EIF3K: variants seen among roughly 807,000 people sequenced by gnomAD.
EIF3K encodes the protein eukaryotic translation initiation factor 3 subunit K.
EIF3K carries 27 observed loss-of-function variants against 34.2 expected under a neutral mutation model. The observed-to-expected ratio is 0.79, with a 90% CI of 0.58 to 1.09. EIF3K has a LOEUF of 1.09. Among genes scored for constraint, EIF3K ranks in the 50% least tolerant of loss-of-function variants. The probability of loss-of-function intolerance (pLI) is 0.00; values close to 1 mark genes in which losing one functional copy is unlikely to be tolerated. For missense variants in EIF3K, 232 were observed against 275.4 expected, an observed-to-expected ratio of 0.84 and a Z score of 1.11; for synonymous variants, 105 against 105.7, an observed-to-expected ratio of 0.99 and a Z score of 0.04.
rs1407584925 is a variant in EIF3K, at chr19:38,630,355, T to TTA, written c.355-2074_355-2073insAT. On this transcript the variant is annotated intron_variant, in intron 4 of 7. Coordinates refer to ENST00000248342, the MANE Select transcript of EIF3K (RefSeq NM_013234.4). ...TATTTATTTATTTATTTATTTTTTT[T>TTA]TTTTTTTGAGATGGAGTCTCGCGCT... 9.9e-3 allele frequency among the ~76,000 whole-genome samples: 1,465 copies of TTA among 148,656 alleles called. 17 individuals carry two copies. Among genetic ancestry groups the TTA allele is most frequent in the African/African-American group, 0.032 (1,307 of 40,580 alleles).
At chr19:38,627,131 C>G (rs1975966524) in intron 4 of EIF3K, among the ~76,000 whole-genome samples, 1 of 152,222 alleles carries the variant, frequency 6.6e-6, no homozygotes, top group African/African-American at 2.4e-5. Context: ...GGGTTACAGG[C>G]ATGTGCCATC....
chr19:38,633,048 G>A (rs1976104594), intron 6 of EIF3K: 6 of 227,672 alleles, frequency 2.6e-5, no homozygotes, highest in South Asian at 9.8e-5. Context: ...ACAGACCAGC[G>A]GCATCTGAGC....
chr19:38,636,483 A>C (rs578253297), intron 7 of EIF3K, among the ~76,000 whole-genome samples: 1 of 151,926 alleles, frequency 6.6e-6, no homozygotes, highest in East Asian at 1.9e-4. Context: ...ACTGTGTCTC[A>C]AAAAAAAACT....
chr19:38,634,330 G>C (rs575316716), intron 6 of EIF3K, among the ~76,000 whole-genome samples: 1 of 147,890 alleles, frequency 6.8e-6, no homozygotes, highest in African/African-American at 2.5e-5. Flanking sequence ...TTGGCACGGT[G>C]GCTCACACCT....
At chr19:38,628,150 C>T (rs993214121) in intron 4 of EIF3K, among the ~76,000 whole-genome samples, 3 of 152,002 alleles carry the variant, frequency 2.0e-5, no homozygotes, top group African/African-American at 4.8e-5. Flanking sequence ...GTGATCTGCC[C>T]GCCTTGGCCT....
chr19:38,633,082 C>T (rs905792309), intron 6 of EIF3K, among the ~76,000 whole-genome samples: 2 of 152,130 alleles, frequency 1.3e-5, no homozygotes, highest in Admixed American at 6.5e-5. Flanking sequence ...GAGAGAGGCC[C>T]GTGGCCTGAG....
At chr19:38,631,542 G>T (rs970726978) in intron 4 of EIF3K, among the ~76,000 whole-genome samples, 1 of 152,216 alleles carries the variant, frequency 6.6e-6, no homozygotes, top group Non-Finnish European at 1.5e-5. Context: ...CCCTATCTCA[G>T]TAGATGGAAC....
intron 4 of EIF3K, chr19:38,626,369 A>T: frequency 2.3e-6 from 1 of 432,340 alleles, no homozygotes. Context: ...GAAGTCCTCC[A>T]GTGGCTGGGT....
intron 7 of EIF3K, 121 bp downstream of exon 7, chr19:38,635,239 C>T (rs1976165179): frequency 3.6e-6 from 5 of 1,396,948 alleles, no homozygotes; most frequent in Non-Finnish European, 4.9e-6. Flanking sequence ...GAAGTCTGCA[C>T]CTGCCAGATT....
intron 2 of EIF3K, among the ~76,000 whole-genome samples, chr19:38,621,900 G>GC (rs1390656177): frequency 2.8e-5 from 4 of 141,392 alleles, no homozygotes; most frequent in South Asian, 4.6e-4. Context: ...GGTTCTTCGT[G>GC]CCCTTTTTTT....
intron 2 of EIF3K, among the ~76,000 whole-genome samples, chr19:38,620,849 G>C (rs578201786): frequency 6.6e-6 from 1 of 151,724 alleles, no homozygotes; most frequent in Non-Finnish European, 1.5e-5. Context: ...AACCAAGATC[G>C]CGCCATTGCA....
At position 38,635,107 on chromosome 19, in the gene EIF3K, T is replaced by C. The variant is rs200335367; in HGVS notation, c.614T>C (p.Ile205Thr). The C allele has an allele frequency of 2.5e-6, 4 of 1,614,148 alleles. No homozygotes were observed. The highest frequency in any genetic ancestry group is 3.4e-6 in the Non-Finnish European group (4 of 1,180,016). The change falls in exon 7 of 8, where the codon ATT becomes ACT. Residue 205 changes from isoleucine to threonine, a missense_variant. Coordinates refer to ENST00000248342, the MANE Select transcript of EIF3K (RefSeq NM_013234.4). Reference sequence around the variant, plus strand: ...AAACCCAAGAACATTGTGGAGAAGATTGACTTTGACAGTGAGTGGTGACCC... The same window carrying C: ...AAACCCAAGAACATTGTGGAGAAGACTGACTTTGACAGTGAGTGGTGACCC... ...SIKPKNIVEK[I>T]DFDSVSSIMA...
chr19:38,626,026 A>G lies in EIF3K; in HGVS notation c.280-2A>G. ...GTTTTCCTTAATGCTTCCTCCTCCC[A>G]GCAAGAAGAACGGCCAATCCGACAG... On this transcript the variant is annotated splice_acceptor_variant, in intron 3 of 7. Transcript: ENST00000248342. LOFTEE classifies it high-confidence loss of function. 1 of 1,614,202 alleles carries G rather than the reference A, an allele frequency of 6.2e-7. No homozygotes were observed. Among genetic ancestry groups the G allele is most frequent in the East Asian group, 2.2e-5 (1 of 44,882 alleles).
intron 7 of EIF3K, among the ~76,000 whole-genome samples, chr19:38,636,244 G>A (rs1244859532): frequency 6.6e-6 from 1 of 152,204 alleles, no homozygotes; most frequent in Non-Finnish European, 1.5e-5. Context: ...AGGAAAAGGA[G>A]GAGGAAGGTG....
At chr19:38,632,225 G>T in intron 4 of EIF3K, 2 of 553,830 alleles carry the variant, frequency 3.6e-6, no homozygotes, top group Non-Finnish European at 6.4e-6. Context: ...AGATCAGCCT[G>T]GGCAATATAG....
chr19:38,621,871 G>T (rs1431544250), intron 2 of EIF3K, among the ~76,000 whole-genome samples: 1 of 149,286 alleles, frequency 6.7e-6, no homozygotes, highest in African/African-American at 2.5e-5. Flanking sequence ...ATCTCTTCTG[G>T]CTCTTGATGG....
At position 38,630,344 on chromosome 19, in the gene EIF3K, T is replaced by A. The variant is rs533697099; in HGVS notation, c.355-2086T>A. Among the ~76,000 whole-genome samples, 97 of 132,142 alleles carry A rather than the reference T, an allele frequency of 7.3e-4. 1 individual carries two copies. The highest frequency in any genetic ancestry group is 2.4e-3 in the African/African-American group (90 of 38,232). The allele number at this position is 132,142 out of a possible 152,430, so 86.7% of individuals were successfully genotyped here. A position where few individuals can be genotyped will look rare whatever the true frequency, so the allele number is the denominator to read the frequency against. On this transcript the variant is annotated intron_variant, in intron 4 of 7. Coordinates refer to ENST00000248342, the MANE Select transcript of EIF3K (RefSeq NM_013234.4). ...CCCGGTTTAATTATTTATTTATTTATTTATTTTTTTTTTTTTTTGAGATGG... is the reference window on the plus strand; with the variant it reads ...CCCGGTTTAATTATTTATTTATTTAATTATTTTTTTTTTTTTTTGAGATGG...
chr19:38,619,274 G>A lies in EIF3K; in HGVS notation c.6G>A (p.Ala2=), dbSNP rs745802177. 2 of 1,614,024 alleles carry A rather than the reference G, an allele frequency of 1.2e-6. No homozygotes were observed. The highest frequency in any genetic ancestry group is 2.7e-5 in the African/African-American group (2 of 75,060). Residue 2 remains alanine, a synonymous_variant, in exon 1 of 8, where the codon GCG becomes GCA. Coordinates refer to ENST00000248342, the MANE Select transcript of EIF3K (RefSeq NM_013234.4). M[A]MFEQMRANVG... is the part of the protein sequence containing the mutation. ...TGTGGAAGGCGACAGAAGTCATGGCGATGTTTGAGCAGATGAGAGCCAACG... is the reference window on the plus strand; with the variant it reads ...TGTGGAAGGCGACAGAAGTCATGGCAATGTTTGAGCAGATGAGAGCCAACG...
chr19:38,620,498 A>G lies in EIF3K; in HGVS notation c.158+63A>G, dbSNP rs1430280536. The G allele has an allele frequency of 4.3e-6, 6 of 1,410,506 alleles. No homozygotes were observed. The Admixed American group carries it at 9.0e-5, about 21-fold the overall frequency. The allele number at this position is 1,410,506 out of a possible 1,614,324, so 87.4% of individuals were successfully genotyped here. A position where few individuals can be genotyped will look rare whatever the true frequency, so the allele number is the denominator to read the frequency against. Reference sequence around the variant, plus strand: ...CAACTAGCAGGGTGCCACTCCCAGTACAGGGCAAGGGGGTGGCTGGTAGTA... The same window carrying G: ...CAACTAGCAGGGTGCCACTCCCAGTGCAGGGCAAGGGGGTGGCTGGTAGTA... On this transcript the variant is annotated intron_variant, in intron 2 of 7. Coordinates refer to ENST00000248342, the MANE Select transcript of EIF3K (RefSeq NM_013234.4).
Sources: gnomAD v4.1 joint callset for allele counts (sites outside exome capture counted in the v4.1 genomes callset) on GRCh38, gnomAD v4.1.1 for gene constraint, MANE v1.5 for transcripts, NCBI Gene and HGNC (gene_info 2026-07-23, HGNC 2026-07-21) for gene names.